JAKMIP2: variants seen among roughly 807,000 people sequenced by gnomAD.
JAKMIP2 encodes the protein janus kinase and microtubule interacting protein 2.
In JAKMIP2, 25 loss-of-function variants were observed where a neutral mutation model predicts 115.0. The observed-to-expected ratio is 0.22, with a 90% CI of 0.16 to 0.30. The LOEUF is 0.30. Among genes scored for constraint, JAKMIP2 ranks in the 10% least tolerant of loss-of-function variants. The probability of loss-of-function intolerance (pLI) is 1.00; values close to 1 mark genes in which losing one functional copy is unlikely to be tolerated. For synonymous variants in JAKMIP2, 334 were observed against 343.6 expected (o/e 0.97, Z 0.31); for missense variants, 642 against 957.6 (o/e 0.67, Z 4.35).
intron 1 of JAKMIP2, among the ~76,000 whole-genome samples, chr5:147,694,986 G>A (rs1467944682): frequency 1.3e-5 from 2 of 152,180 alleles, no homozygotes; most frequent in African/African-American, 4.8e-5. Flanking sequence ...GATAATAAAA[G>A]CACATGCAAG....
rs1004220448 is a variant in JAKMIP2, at chr5:147,594,257, T to C, written c.*21-2571A>G. 1.0e-4 allele frequency: 26 copies of C among 251,472 alleles called. No homozygotes were observed. In the South Asian group the frequency reaches 1.1e-3, roughly 10 times the overall value. The allele number at this position is 251,472 out of a possible 1,614,324, so 15.6% of individuals were successfully genotyped here. A position where few individuals can be genotyped will look rare whatever the true frequency, so the allele number is the denominator to read the frequency against. Reference sequence around the variant, plus strand: ...TTCTTTTTAACAGGTTGCATAACAGTGCTACAATTTAGTTTCCTCATCTGT... The same window carrying C: ...TTCTTTTTAACAGGTTGCATAACAGCGCTACAATTTAGTTTCCTCATCTGT... On this transcript the variant is annotated intron_variant, in intron 21 of 21. Transcript: ENST00000616793.
At chr5:147,723,407 C>T (rs1437131089) in intron 1 of JAKMIP2, among the ~76,000 whole-genome samples, 3 of 151,922 alleles carry the variant, frequency 2.0e-5, no homozygotes, top group Non-Finnish European at 4.4e-5. Context: ...GAAAGTTTAA[C>T]ACAATGACTT....
rs544553283 is a variant in JAKMIP2, at chr5:147,745,251, T to G, written c.-149+37205A>C. Among the ~76,000 whole-genome samples the G allele has an allele frequency of 3.9e-5, 6 of 152,226 alleles. No individual in the cohort carries two copies. The South Asian group carries it at 1.2e-3, about 32-fold the overall frequency. On this transcript the variant is annotated intron_variant, in intron 1 of 21. Coordinates refer to ENST00000616793, the MANE Select transcript of JAKMIP2 (RefSeq NM_001270941.2). ...TGAGAACAGCATGTCAGCAAAATATTAACCAGTGCAAGAAAATCTTATTTT... is the reference window on the plus strand; with the variant it reads ...TGAGAACAGCATGTCAGCAAAATATGAACCAGTGCAAGAAAATCTTATTTT...
intron 2 of JAKMIP2, among the ~76,000 whole-genome samples, chr5:147,669,304 G>C (rs1759461372): frequency 6.6e-6 from 1 of 152,188 alleles, no homozygotes; most frequent in African/African-American, 2.4e-5. Context: ...TAACTGCCAA[G>C]GAGAGGGAGC....
At chr5:147,679,168 A>G (rs1293030270) in intron 1 of JAKMIP2, among the ~76,000 whole-genome samples, 2 of 151,884 alleles carry the variant, frequency 1.3e-5, no homozygotes, top group African/African-American at 2.4e-5. Context: ...TTTAGTAGAG[A>G]TGGGGTTTCT....
intron 1 of JAKMIP2, among the ~76,000 whole-genome samples, chr5:147,682,733 T>C (rs1461066466): frequency 6.6e-6 from 1 of 152,214 alleles, no homozygotes. Context: ...ATTTCTTTTA[T>C]TTTGCAGGAG....
At chr5:147,711,613 TGAG>T (rs1752784777) in intron 1 of JAKMIP2, among the ~76,000 whole-genome samples, 1 of 152,186 alleles carries the variant, frequency 6.6e-6, no homozygotes, top group Admixed American at 6.6e-5. Context: ...CATGGGTCTT[TGAG>T]GAGATTAAAT....
chr5:147,650,506 C>G lies in JAKMIP2; in HGVS notation c.669G>C (p.Leu223=). The change falls in exon 4 of 22, where the codon CTG becomes CTC. Residue 223 remains leucine, a synonymous_variant. Transcript: ENST00000616793. ...CTGTCTGGGTCTCCAGTTCCTTTTC[C>G]AGGGAAAAGATGATCCTGTCCTTGG... is the stretch of plus-strand genomic sequence containing the variant. ...IKAKDRIIFS[L]EKELETQTGY... The G allele has an allele frequency of 6.2e-7, 1 of 1,613,708 alleles. No individual in the cohort carries two copies. Among genetic ancestry groups the G allele is most frequent in the East Asian group, 2.2e-5 (1 of 44,876 alleles).
intron 7 of JAKMIP2, among the ~76,000 whole-genome samples, chr5:147,643,093 T>C (rs188102754): frequency 1.3e-5 from 2 of 152,224 alleles, no homozygotes; most frequent in East Asian, 3.9e-4. Context: ...CTTGCGATCG[T>C]GTGTGCCAAT....
chr5:147,609,582 C>T (rs996549303), intron 20 of JAKMIP2, among the ~76,000 whole-genome samples: 2 of 152,086 alleles, frequency 1.3e-5, no homozygotes, highest in African/African-American at 4.8e-5. Flanking sequence ...GGGTAACCCG[C>T]CCTTTCTCTC....
chr5:147,725,127 A>T (rs1192047019), intron 1 of JAKMIP2, among the ~76,000 whole-genome samples: 1 of 152,034 alleles, frequency 6.6e-6, no homozygotes, highest in African/African-American at 2.4e-5. Context: ...ATGTATTAGG[A>T]TGCTAAGGGA....
At chr5:147,665,993 C>T (rs916956700) in intron 2 of JAKMIP2, among the ~76,000 whole-genome samples, 1 of 152,018 alleles carries the variant, frequency 6.6e-6, no homozygotes, top group African/African-American at 2.4e-5. Flanking sequence ...AGCCTGAAGA[C>T]AAAAACAAAA....
chr5:147,742,155 A>ATATATATATTTTTTT lies in JAKMIP2; in HGVS notation c.-149+40300_-149+40301insAAAAAAATATATATA. Among the ~76,000 whole-genome samples the ATATATATATTTTTTT allele has an allele frequency of 2.1e-4, 23 of 108,898 alleles. 2 individuals carry two copies. The highest frequency in any genetic ancestry group is 3.3e-4 in the East Asian group (1 of 3,060). The allele number at this position is 108,898 out of a possible 152,430, so 71.4% of individuals were successfully genotyped here. A position where few individuals can be genotyped will look rare whatever the true frequency, so the allele number is the denominator to read the frequency against. On this transcript the variant is annotated intron_variant, in intron 1 of 21. Transcript: ENST00000616793. ...TGTGGATCATTATATATATATATAT[A>ATATATATATTTTTTT]TTTTTTTTACTATTGTATTGTATCT...
At chr5:147,729,603 C>A (rs539940767) in intron 1 of JAKMIP2, among the ~76,000 whole-genome samples, 3 of 151,902 alleles carry the variant, frequency 2.0e-5, no homozygotes, top group Non-Finnish European at 4.4e-5. Flanking sequence ...GAAACCCCGT[C>A]TCTACTAGAA....
intron 13 of JAKMIP2, among the ~76,000 whole-genome samples, chr5:147,632,448 G>A (rs1430271165): frequency 6.6e-6 from 1 of 152,090 alleles, no homozygotes; most frequent in Admixed American, 6.5e-5. Context: ...GAAAAGCACA[G>A]TATCTAAGTA....
intron 9 of JAKMIP2, 104 bp from the exon 10 acceptor site, chr5:147,639,864 T>G: frequency 7.4e-7 from 1 of 1,356,704 alleles, no homozygotes; most frequent in Non-Finnish European, 1.0e-6. Context: ...AAGTAAAAGG[T>G]TGTTTAACAG....
At chr5:147,634,799 A>T (rs760789070) in intron 12 of JAKMIP2, among the ~76,000 whole-genome samples, 2 of 152,172 alleles carry the variant, frequency 1.3e-5, no homozygotes, top group Non-Finnish European at 2.9e-5. Flanking sequence ...ACTTTGCCAG[A>T]CTAGAGGGGA....
At chr5:147,698,728 T>C (rs1203853156) in intron 1 of JAKMIP2, among the ~76,000 whole-genome samples, 1 of 152,198 alleles carries the variant, frequency 6.6e-6, no homozygotes, top group Non-Finnish European at 1.5e-5. Flanking sequence ...GATTGTACGT[T>C]TCCTGAGGCC....
At chr5:147,675,473 CTT>C (rs201097949) in intron 1 of JAKMIP2, among the ~76,000 whole-genome samples, 5 of 145,842 alleles carry the variant, frequency 3.4e-5, no homozygotes, top group South Asian at 2.2e-4. Flanking sequence ...CCTTGTGCTG[CTT>C]TTTTTTTTTT....
Sources: gnomAD v4.1 joint callset for allele counts (sites outside exome capture counted in the v4.1 genomes callset) on GRCh38, gnomAD v4.1.1 for gene constraint, MANE v1.5 for transcripts, NCBI Gene and HGNC (gene_info 2026-07-23, HGNC 2026-07-21) for gene names.